ZRANB3: variants seen among roughly 807,000 people sequenced by gnomAD.
The protein encoded by ZRANB3 is DNA annealing helicase and endonuclease ZRANB3.
ZRANB3 carries 125 observed loss-of-function variants against 133.8 expected under a neutral mutation model. The observed-to-expected ratio is 0.93, with a 90% CI of 0.81 to 1.08. ZRANB3 has a LOEUF of 1.08. Among genes scored for constraint, ZRANB3 ranks in the 50% least tolerant of loss-of-function variants. The pLI, the probability that ZRANB3 is intolerant of heterozygous loss-of-function variation, is 0.00. For synonymous variants in ZRANB3, 387 were observed against 432.7 expected, an observed-to-expected ratio of 0.89 and a Z score of 1.31; for missense variants, 1,229 against 1,275.5, an observed-to-expected ratio of 0.96 and a Z score of 0.56.
At chr2:135,483,875 T>C (rs1559029658) in intron 2 of ZRANB3, among the ~76,000 whole-genome samples, 1 of 152,220 alleles carries the variant, frequency 6.6e-6, no homozygotes, top group Non-Finnish European at 1.5e-5. Context: ...ATGTACCCAG[T>C]AGTCATTCAG....
At chr2:135,203,141 CA>C (rs1443276149) in intron 19 of ZRANB3, among the ~76,000 whole-genome samples, 178 bp from the exon 20 acceptor site, 2 of 152,028 alleles carry the variant, frequency 1.3e-5, no homozygotes, top group Non-Finnish European at 2.9e-5. Flanking sequence ...AGTTTGAAAG[CA>C]ATAAGATGTG....
intron 2 of ZRANB3, among the ~76,000 whole-genome samples, chr2:135,459,590 CTCTA>C (rs1246182499): frequency 2.0e-5 from 3 of 152,082 alleles, no homozygotes; most frequent in African/African-American, 4.8e-5. Flanking sequence ...AATTGTGTAT[CTCTA>C]TCTGCTTTTT....
At chr2:135,231,604 C>G (rs781661820) in intron 12 of ZRANB3, among the ~76,000 whole-genome samples, 45 of 151,934 alleles carry the variant, frequency 3.0e-4, no homozygotes, top group Non-Finnish European at 4.9e-4. Flanking sequence ...TACAAAAAAA[C>G]ACAAAAAAAC....
chr2:135,509,801 CAAAAG>C (rs998865998), intron 1 of ZRANB3, among the ~76,000 whole-genome samples: 1 of 152,048 alleles, frequency 6.6e-6, no homozygotes, highest in Non-Finnish European at 1.5e-5. Flanking sequence ...GATCCTATAT[CAAAAG>C]AAAAGTTCTA....
intron 1 of ZRANB3, among the ~76,000 whole-genome samples, chr2:135,514,651 C>T (rs952812248): frequency 7.5e-6 from 1 of 132,962 alleles, no homozygotes; most frequent in East Asian, 2.2e-4. Context: ...TGCTTGATTG[C>T]CCTGGCCAGA....
At chr2:135,429,682 T>C (rs4954256) in intron 2 of ZRANB3, among the ~76,000 whole-genome samples, 40,578 of 151,874 alleles carry the variant, frequency 0.27, 9,076 homozygotes, top group African/African-American at 0.6. Context: ...AGAGAATGCC[T>C]AAAACTGGAA....
At chr2:135,298,026 A>C (rs1383788113) in intron 8 of ZRANB3, among the ~76,000 whole-genome samples, 4 of 152,066 alleles carry the variant, frequency 2.6e-5, no homozygotes, top group Non-Finnish European at 4.4e-5. Context: ...GTCAGGAGTT[A>C]ATATCAGCCT....
chr2:135,465,473 A>C (rs1360745371), intron 2 of ZRANB3, among the ~76,000 whole-genome samples: 1 of 152,360 alleles, frequency 6.6e-6, no homozygotes, highest in Non-Finnish European at 1.5e-5. Flanking sequence ...ATGATAACGA[A>C]ATGAAATCTA....
intron 2 of ZRANB3, among the ~76,000 whole-genome samples, chr2:135,491,192 TA>T (rs754719084): frequency 5.3e-5 from 8 of 152,224 alleles, no homozygotes; most frequent in Non-Finnish European, 8.8e-5. Flanking sequence ...CTTCACTATT[TA>T]AATAATACTT....
chr2:135,464,142 C>T (rs1039629789), intron 2 of ZRANB3, among the ~76,000 whole-genome samples: 3 of 152,146 alleles, frequency 2.0e-5, no homozygotes, highest in Non-Finnish European at 4.4e-5. Flanking sequence ...ATTGAGTTAT[C>T]ATCCATGAAA....
chr2:135,373,800 A>AGAGGGGTGGG (rs1686290422), intron 3 of ZRANB3, among the ~76,000 whole-genome samples: 1 of 14,168 alleles, frequency 7.1e-5, no homozygotes, highest in Non-Finnish European at 1.6e-4. Flanking sequence ...AAGAAAAGAA[A>AGAGGGGTGGG]GAGGGGAGGG....
At chr2:135,405,831 G>A (rs1283375271) in intron 2 of ZRANB3, among the ~76,000 whole-genome samples, 1 of 152,094 alleles carries the variant, frequency 6.6e-6, no homozygotes, top group Non-Finnish European at 1.5e-5. Flanking sequence ...GTGTGTAGAG[G>A]GAAATTTATA....
At chr2:135,329,840 A>C (rs1285480352) in intron 6 of ZRANB3, among the ~76,000 whole-genome samples, 7 of 152,078 alleles carry the variant, frequency 4.6e-5, no homozygotes, top group Admixed American at 3.3e-4. Flanking sequence ...TTCACTCATG[A>C]TTTGGCTCTC....
chr2:135,443,325 G>A (rs540096314), intron 2 of ZRANB3, among the ~76,000 whole-genome samples: 1 of 136,014 alleles, frequency 7.4e-6, no homozygotes, highest in South Asian at 2.4e-4. Context: ...GTTGAACAAT[G>A]AGAATACACG....
At chr2:135,458,421 T>C (rs1690622915) in intron 2 of ZRANB3, among the ~76,000 whole-genome samples, 1 of 152,038 alleles carries the variant, frequency 6.6e-6, no homozygotes, top group African/African-American at 2.4e-5. Context: ...AACTGGAATC[T>C]TGATAGCTAT....
chr2:135,200,845 C>A (rs1693593650), intron 20 of ZRANB3, among the ~76,000 whole-genome samples: 1 of 151,198 alleles, frequency 6.6e-6, no homozygotes, highest in South Asian at 2.1e-4. Flanking sequence ...AACCTCCGCC[C>A]CACAGGTTCA....
At chr2:135,488,185 C>G (rs1167159916) in intron 2 of ZRANB3, among the ~76,000 whole-genome samples, 2 of 152,074 alleles carry the variant, frequency 1.3e-5, no homozygotes, top group Non-Finnish European at 1.5e-5. Flanking sequence ...TAATATTTAT[C>G]CATTAGGTTC....
At chr2:135,248,739 T>G (rs1695912995) in intron 12 of ZRANB3, among the ~76,000 whole-genome samples, 1 of 152,024 alleles carries the variant, frequency 6.6e-6, no homozygotes. Flanking sequence ...AACCCTATCC[T>G]TACAAAAACT....
At chr2:135,471,529 G>A (rs1302307673) in intron 2 of ZRANB3, among the ~76,000 whole-genome samples, 1 of 152,110 alleles carries the variant, frequency 6.6e-6, no homozygotes, top group East Asian at 1.9e-4. Context: ...TATATAAATT[G>A]CTTCACTGTA....
Sources: gnomAD v4.1 joint callset for allele counts (sites outside exome capture counted in the v4.1 genomes callset) on GRCh38, gnomAD v4.1.1 for gene constraint, MANE v1.5 for transcripts, NCBI Gene and HGNC (gene_info 2026-07-23, HGNC 2026-07-21) for gene names.